PDLIM7: variants seen among roughly 807,000 people sequenced by gnomAD.
PDLIM7 encodes the protein PDZ and LIM domain 7.
PDLIM7 carries 37 observed loss-of-function variants against 53.9 expected under a neutral mutation model. That is an observed-to-expected ratio of 0.69 (90% CI 0.53 to 0.90). The LOEUF is 0.90. Among genes scored for constraint, PDLIM7 ranks in the 40% least tolerant of loss-of-function variants. The probability of loss-of-function intolerance (pLI) is 0.00; values close to 1 mark genes in which losing one functional copy is unlikely to be tolerated. For synonymous variants in PDLIM7, 300 were observed against 261.3 expected, an observed-to-expected ratio of 1.15 and a Z score of -1.43; for missense variants, 617 against 638.5, an observed-to-expected ratio of 0.97 and a Z score of 0.36.
Position 177,489,464 on chromosome 5 carries a change from G to A in PDLIM7, c.798C>T (p.Ala266=), listed in dbSNP as rs149508660. The change falls in exon 9 of 13, where the codon GCC becomes GCT. Residue 266 remains alanine, a synonymous_variant. Transcript: ENST00000355841. ...TGCTGCCCCCTCCTGGCACCCCTCC[G>A]GCAGCTGCCTGCACAATGGAGGTGC... ...QSRTSIVQAA[A]GGVPGGGSNN... is the part of the protein sequence containing the mutation. 8.1e-4 allele frequency: 1,308 copies of A among 1,605,022 alleles called. 4 individuals carry two copies. The highest frequency in any genetic ancestry group is 5.3e-3 in the South Asian group (470 of 89,454).
chr5:177,488,889 CAA>C (rs56297561), intron 9 of PDLIM7, among the ~76,000 whole-genome samples: 60 of 105,832 alleles, frequency 5.7e-4, no homozygotes, highest in Admixed American at 8.7e-4. Flanking sequence ...GACTCTGTTT[CAA>C]AAAAAAAAAA....
chr5:177,483,484 G>A lies in PDLIM7; in HGVS notation c.*160C>T. On this transcript the variant is annotated 3_prime_UTR_variant, in exon 13 of 13. Coordinates refer to ENST00000355841, the MANE Select transcript of PDLIM7 (RefSeq NM_005451.5). ...GTGCTGTGGTGGTGGAGGGAGTGGGGTGGGAGGATAAGGTGGGTGGGGCAG... is the reference window on the plus strand; with the variant it reads ...GTGCTGTGGTGGTGGAGGGAGTGGGATGGGAGGATAAGGTGGGTGGGGCAG... The A allele has an allele frequency of 1.7e-6, 1 of 597,674 alleles. No individual in the cohort carries two copies. Among genetic ancestry groups the A allele is most frequent in the Non-Finnish European group, 3.0e-6 (1 of 332,950 alleles). 37.0% of individuals were successfully genotyped at this position (597,674 alleles called of 1,614,324 possible).
Position 177,487,888 on chromosome 5 carries a change from G to T in PDLIM7, c.1050+180C>A, listed in dbSNP as rs908869290. On this transcript the variant is annotated intron_variant, in intron 10 of 12. Coordinates refer to ENST00000355841, the MANE Select transcript of PDLIM7 (RefSeq NM_005451.5). ...TTGGGCGGTTTCTGAGCAGGAACAT[G>T]GTCATTTGTTAAGAGCATCCTGACT... 3 of 507,528 alleles carry T rather than the reference G, an allele frequency of 5.9e-6. No individual in the cohort carries two copies. In the Admixed American group the frequency reaches 1.1e-4, roughly 19 times the overall value. 31.4% of individuals were successfully genotyped at this position (507,528 alleles called of 1,614,324 possible). A position where few individuals can be genotyped will look rare whatever the true frequency, so the allele number is the denominator to read the frequency against.
chr5:177,490,735 AAGGAAGGAAGG>A, intron 7 of PDLIM7, 124 bp downstream of exon 7: 5 of 797,510 alleles, frequency 6.3e-6, no homozygotes, highest in East Asian at 2.7e-5. Flanking sequence ...GGAAGGAAGG[AAGGAAGGAAGG>A]AAGGAAGGAA....
At chr5:177,490,645 G>A (rs1218735552) in intron 7 of PDLIM7, 2 of 1,248,430 alleles carry the variant, frequency 1.6e-6, no homozygotes, top group African/African-American at 3.0e-5. Flanking sequence ...AGAGATGGAA[G>A]GGAGGCAGGG....
At chr5:177,495,405 G>GGC (rs1197618451) in intron 2 of PDLIM7, among the ~76,000 whole-genome samples, 1 of 152,122 alleles carries the variant, frequency 6.6e-6, no homozygotes, top group Non-Finnish European at 1.5e-5. Flanking sequence ...CTGCCCACCC[G>GGC]GCGCCTGGGT....
intron 4 of PDLIM7, chr5:177,492,192 A>G: frequency 6.2e-6 from 4 of 645,024 alleles, no homozygotes; most frequent in South Asian, 2.0e-5. Flanking sequence ...GCAGGCGGAC[A>G]GACAGGCGGA....
intron 2 of PDLIM7, among the ~76,000 whole-genome samples, chr5:177,496,133 C>T (rs1759058502): frequency 6.6e-6 from 1 of 152,180 alleles, no homozygotes; most frequent in Non-Finnish European, 1.5e-5. Flanking sequence ...GTTAGGCTCC[C>T]ATCCTGCACA....
Position 177,492,542 on chromosome 5 carries a change from T to C in PDLIM7, c.232A>G (p.Ser78Gly). The change falls in exon 3 of 13, where the codon AGC (serine) becomes GGC (glycine). Residue 78 changes from serine (S) to glycine (G), a missense_variant. Ser to Gly is a moderately conservative substitution (Grantham distance 56). Transcript: ENST00000355841. ...CCCGCATACCTGCTGAGGCCCAGGC[T>C]GAGGCGCTCCCCGCAGGCCCGGATC... ...NKIRACGERL[S>G]LGLSRAQPVQ... The C allele has an allele frequency of 2.5e-6, 4 of 1,613,706 alleles. No homozygotes were observed. Among genetic ancestry groups the C allele is most frequent in the Non-Finnish European group, 3.4e-6 (4 of 1,179,696 alleles).
At position 177,483,875 on chromosome 5, in the gene PDLIM7, C is replaced by G; in HGVS notation, c.1279G>C (p.Val427Leu). ...AGGGGCGGGGCTCTCACCGCACAGACGAAGCAGGTGTCATGCCAGCTGAAG... is the reference window on the plus strand; with the variant it reads ...AGGGGCGGGGCTCTCACCGCACAGAGGAAGCAGGTGTCATGCCAGCTGAAG... ...LGFSWHDTCF[V>L]CAICQINLEG... is the part of the protein sequence containing the mutation. The change falls in exon 12 of 13, where the codon GTC becomes CTC. Residue 427 changes from valine (V) to leucine (L), a missense_variant. By Grantham distance (32) the Val-to-Leu change is conservative. Coordinates refer to ENST00000355841, the MANE Select transcript of PDLIM7 (RefSeq NM_005451.5). The G allele has an allele frequency of 6.2e-7, 1 of 1,613,248 alleles. No homozygotes were observed. Among genetic ancestry groups the G allele is most frequent in the Non-Finnish European group, 8.5e-7 (1 of 1,179,618 alleles).
At chr5:177,490,056 C>T (rs1758670106) in intron 7 of PDLIM7, 1 of 1,531,752 alleles carries the variant, frequency 6.5e-7, no homozygotes, top group Middle Eastern at 1.7e-4. Flanking sequence ...AGGGCTCCCG[C>T]TTCTGAGGCA....
At chr5:177,496,366 C>G (rs986362358) in intron 2 of PDLIM7, 51 bp downstream of exon 2, 16 of 1,384,070 alleles carry the variant, frequency 1.2e-5, no homozygotes, top group African/African-American at 1.5e-5. Context: ...CTCTGGAGAC[C>G]TAAGCACCGA....
chr5:177,490,948 G>A, intron 6 of PDLIM7, 42 bp from the exon 7 acceptor site: 1 of 1,613,918 alleles, frequency 6.2e-7, no homozygotes, highest in South Asian at 1.1e-5. Flanking sequence ...AAGACACAGG[G>A]TCAGGGATCA....
At chr5:177,486,740 G>A (rs558746470) in intron 10 of PDLIM7, among the ~76,000 whole-genome samples, 12 of 152,092 alleles carry the variant, frequency 7.9e-5, no homozygotes, top group South Asian at 2.1e-4. Context: ...CCAGGTTCAC[G>A]CCATTCTCCT....
chr5:177,491,069 G>A lies in PDLIM7; in HGVS notation c.476C>T (p.Pro159Leu), dbSNP rs1285809474. 2.5e-6 allele frequency: 4 copies of A among 1,610,668 alleles called. No individual in the cohort carries two copies. The highest frequency in any genetic ancestry group is 1.3e-5 in the African/African-American group (1 of 74,900). The stretch of plus-strand genomic sequence containing the variant: ...GAAGGAACGCGACTGGCCTGTCCCC[G>A]GCCGCGGCCGCCAGTCCTCTGTGTT... ...MENTEDWRPRPGTGQSRSFRI... is the reference protein window; with the variant it reads ...MENTEDWRPRLGTGQSRSFRI... The change falls in exon 6 of 13, where the codon CCG (proline) becomes CTG (leucine). Residue 159 changes from proline to leucine, a missense_variant. Pro to Leu is a moderately conservative substitution (Grantham distance 98). Transcript: ENST00000355841.
rs1280263684 is a variant in PDLIM7, at chr5:177,489,591, C to T, written c.671G>A (p.Trp224Ter). Residue 224 changes from tryptophan to a stop codon, truncating the protein, a stop_gained, in exon 9 of 13, where the codon TGG becomes TAG. Coordinates refer to ENST00000355841, the MANE Select transcript of PDLIM7 (RefSeq NM_005451.5). LOFTEE classifies it high-confidence loss of function. ...TAPSPTSRPP[W>*]AVDPAFAERY... ...CTCGGCAAACGCAGGGTCCACAGCC[C>T]AGGGCGGGCGGCTGGTAGGGCTGGG... is the stretch of plus-strand genomic sequence containing the variant. 1 of 1,607,330 alleles carries T rather than the reference C, an allele frequency of 6.2e-7. No individual in the cohort carries two copies. Among genetic ancestry groups the T allele is most frequent in the South Asian group, 1.1e-5 (1 of 90,354 alleles).
At chr5:177,489,740 C>T (rs773772697) in intron 8 of PDLIM7, 31 bp downstream of exon 8, 14 of 1,506,562 alleles carry the variant, frequency 9.3e-6, no homozygotes, top group Non-Finnish European at 1.8e-6. Flanking sequence ...GCTGCCCACC[C>T]TTGCCCAGGC....
intron 10 of PDLIM7, among the ~76,000 whole-genome samples, chr5:177,485,410 G>A (rs1242466095): frequency 6.6e-6 from 1 of 152,222 alleles, no homozygotes; most frequent in East Asian, 1.9e-4. Flanking sequence ...GCAGAGGGCA[G>A]CATGGGGCCT....
At chr5:177,486,864 C>G (rs1369359505) in intron 10 of PDLIM7, among the ~76,000 whole-genome samples, 2 of 150,262 alleles carry the variant, frequency 1.3e-5, no homozygotes, top group African/African-American at 4.9e-5. Context: ...ATCTCCTGAC[C>G]TCGTGATCCG....
Sources: allele counts gnomAD v4.1 joint callset (sites outside exome capture counted in the v4.1 genomes callset), GRCh38; gene constraint gnomAD v4.1.1; transcripts MANE v1.5; gene names NCBI Gene and HGNC (gene_info 2026-07-23, HGNC 2026-07-21).